Variants in SYK observed in about 807,000 individuals in gnomAD.
SYK encodes spleen associated tyrosine kinase.
SYK carries 16 observed loss-of-function variants against 77.8 expected under a neutral mutation model. The ratio of observed to expected loss-of-function variants is 0.21; its 90% CI spans 0.14 to 0.31. SYK has a LOEUF of 0.31. Among genes scored for constraint, SYK ranks in the 10% least tolerant of loss-of-function variants. The pLI is 1.00. For missense variants in SYK, 529 were observed against 814.4 expected (o/e 0.65, Z 4.26); for synonymous variants, 312 against 308.7 (o/e 1.01, Z -0.11).
intron 11 of SYK, among the ~76,000 whole-genome samples, chr9:90,885,254 G>T (rs570723882): frequency 5.1e-4 from 78 of 151,990 alleles, no homozygotes; most frequent in African/African-American, 1.8e-3. Flanking sequence ...AGATATAAGA[G>T]AATTCTGAAA....
At chr9:90,827,371 T>G (rs1211846279) in intron 1 of SYK, 1 of 152,190 alleles carries the variant, frequency 6.6e-6, no homozygotes, top group Admixed American at 6.5e-5. Context: ...TGCTGACACT[T>G]TGAGGAAAAG....
rs756047567 is a variant in SYK at position 90,865,068 on chromosome 9, C to T, written c.817C>T (p.Arg273Cys). The change falls in exon 6 of 14, where the codon CGT becomes TGT. Residue 273 changes from arginine to cysteine, a missense_variant. This residue lies in a region of SYK where 321 missense variants were observed against 433.1 expected (regional missense o/e 0.74). Transcript: ENST00000375754. ...ACCAGGAAATGTTAATTTTGGAGGC[C>T]GTCCACAACTTCCAGGTTCCCATCC... ...GTQGNVNFGG[R>C]PQLPGSHPAT... 54 of 1,613,942 alleles carry T rather than the reference C, an allele frequency of 3.3e-5. No individual in the cohort carries two copies. Among genetic ancestry groups the T allele is most frequent in the Middle Eastern group, 1.6e-4 (1 of 6,084 alleles).
intron 1 of SYK, among the ~76,000 whole-genome samples, chr9:90,842,756 AGAGT>A (rs1250687889): frequency 0.13 from 19,215 of 143,520 alleles, 1,490 homozygotes; most frequent in Admixed American, 0.21. Flanking sequence ...TGGTATGGAG[AGAGT>A]GTGTGTGTGT....
At chr9:90,828,340 C>T (rs1226503792) in intron 1 of SYK, among the ~76,000 whole-genome samples, 1 of 151,526 alleles carries the variant, frequency 6.6e-6, no homozygotes, top group Non-Finnish European at 1.5e-5. Context: ...CTGCCCTTCT[C>T]ATCATCCATA....
In SYK at chr9:90,897,464, AAGTTT is replaced by A. The variant is rs1330064254; in HGVS notation, c.*1865_*1869del. On this transcript the variant is annotated 3_prime_UTR_variant, in exon 14 of 14. Coordinates refer to ENST00000375754, the MANE Select transcript of SYK (RefSeq NM_003177.7). Reference sequence around the variant, plus strand: ...TATGAAAGGAGTGGTTGGATGTGCCAAGTTTGGTAAAGTGGTGACTGCATCTGAGA... The same window carrying A: ...TATGAAAGGAGTGGTTGGATGTGCCAGGTAAAGTGGTGACTGCATCTGAGA... 1.3e-5 allele frequency: 3 copies of A among 232,320 alleles called. No homozygotes were observed. The highest frequency in any genetic ancestry group is 1.2e-3 in the Middle Eastern group (1 of 802). The allele number at this position is 232,320 out of a possible 1,614,324, so 14.4% of individuals were successfully genotyped here. A position where few individuals can be genotyped will look rare whatever the true frequency, so the allele number is the denominator to read the frequency against.
chr9:90,839,772 A>G (rs757041715), intron 1 of SYK, among the ~76,000 whole-genome samples: 11 of 152,174 alleles, frequency 7.2e-5, no homozygotes, highest in Admixed American at 2.6e-4. Context: ...GGACACAAGC[A>G]TCGGGGCCAG....
chr9:90,898,354 A>G lies in SYK; in HGVS notation c.*2754A>G, dbSNP rs1587938319. ...TGCTGTATGGTGATTGCACTTGGAC[A>G]TCAGTCCAATGACTGCAAGTCGGCC... is the stretch of plus-strand genomic sequence containing the variant. On this transcript the variant is annotated 3_prime_UTR_variant, in exon 14 of 14. Transcript: ENST00000375754. 2 of 228,370 alleles carry G rather than the reference A, an allele frequency of 8.8e-6. No individual in the cohort carries two copies. Among genetic ancestry groups the G allele is most frequent in the South Asian group, 1.8e-4 (1 of 5,498 alleles). The allele number at this position is 228,370 out of a possible 1,614,324, so 14.1% of individuals were successfully genotyped here. A position where few individuals can be genotyped will look rare whatever the true frequency, so the allele number is the denominator to read the frequency against.
At chr9:90,841,525 GGGCA>G (rs1826336228) in intron 1 of SYK, among the ~76,000 whole-genome samples, 1 of 82,966 alleles carries the variant, frequency 1.2e-5, no homozygotes, top group Non-Finnish European at 2.9e-5. Flanking sequence ...TGCATGTAGT[GGGCA>G]TGTAGTATGG....
At chr9:90,854,374 C>A (rs1439447923) in intron 3 of SYK, among the ~76,000 whole-genome samples, 1 of 152,014 alleles carries the variant, frequency 6.6e-6, no homozygotes, top group Non-Finnish European at 1.5e-5. Flanking sequence ...GAGAGGAAGC[C>A]CAGGAGGTTG....
chr9:90,874,445 G>A (rs1312181825), intron 8 of SYK, among the ~76,000 whole-genome samples, 154 bp downstream of exon 8: 1 of 152,200 alleles, frequency 6.6e-6, no homozygotes, highest in African/African-American at 2.4e-5. Context: ...GCAGGCAGCA[G>A]GCACCACATG....
chr9:90,860,180 C>A (rs1440983119), intron 3 of SYK, among the ~76,000 whole-genome samples: 1 of 152,188 alleles, frequency 6.6e-6, no homozygotes, highest in Non-Finnish European at 1.5e-5. Context: ...TCTCCATGAC[C>A]TTGAGGTCAC....
Position 90,884,341 on chromosome 9 carries a change from A to G in SYK, c.1582-3408A>G, listed in dbSNP as rs1000863644. ...CACATACACATACGTGTATATATAC[A>G]CACATACACATACGTGTATACATAC... On this transcript the variant is annotated intron_variant, in intron 11 of 13. Transcript: ENST00000375754. Among the ~76,000 whole-genome samples the G allele has an allele frequency of 7.2e-5, 9 of 124,194 alleles. 1 individual carries two copies. The highest frequency in any genetic ancestry group is 3.1e-4 in the Admixed American group (4 of 12,896). 81.5% of individuals were successfully genotyped at this position (124,194 alleles called of 152,430 possible). A position where few individuals can be genotyped will look rare whatever the true frequency, so the allele number is the denominator to read the frequency against.
At chr9:90,839,488 G>C (rs752260140) in intron 1 of SYK, among the ~76,000 whole-genome samples, 40 of 152,228 alleles carry the variant, frequency 2.6e-4, no homozygotes, top group Middle Eastern at 6.8e-3. Context: ...CGGGTCTGCA[G>C]ATGCTCCCCA....
At chr9:90,821,213 CTG>C (rs1806006510) in intron 1 of SYK, among the ~76,000 whole-genome samples, 2 of 152,244 alleles carry the variant, frequency 1.3e-5, no homozygotes, top group Admixed American at 6.5e-5. Flanking sequence ...ACCCTCCAAA[CTG>C]TTCCAGCCTC....
chr9:90,822,522 G>A (rs1825552971), intron 1 of SYK, among the ~76,000 whole-genome samples: 1 of 152,234 alleles, frequency 6.6e-6, no homozygotes, highest in South Asian at 2.1e-4. Context: ...ATTTTTCATA[G>A]TCAATATTTC....
At chr9:90,859,876 GC>G (rs1827185835) in intron 3 of SYK, among the ~76,000 whole-genome samples, 1 of 152,222 alleles carries the variant, frequency 6.6e-6, no homozygotes, top group Admixed American at 6.5e-5. Flanking sequence ...GGAAACCTGT[GC>G]TTGTCTGTCT....
rs772703441 is a variant in SYK at position 90,895,376 on chromosome 9, G to T, written c.1836-152G>T. The T allele has an allele frequency of 1.1e-5, 8 of 715,552 alleles. No individual in the cohort carries two copies. The highest frequency in any genetic ancestry group is 2.6e-5 in the East Asian group (1 of 38,408). 44.3% of individuals were successfully genotyped at this position (715,552 alleles called of 1,614,324 possible). On this transcript the variant is annotated intron_variant, in intron 13 of 13. Transcript: ENST00000375754. This position sits in a 1 kb window ranked among gnomAD's most constrained non-coding sequence, Gnocchi z 4.4. ...GACAGCCTTGTGGTCACCCTGGGGT[G>T]GGGGGCACAGGGACCACGCTGTGAG...
At chr9:90,819,333 C>T (rs76591162) in intron 1 of SYK, among the ~76,000 whole-genome samples, 14,470 of 152,180 alleles carry the variant, frequency 0.095, 722 homozygotes, top group Middle Eastern at 0.13. Context: ...AATCAATAAC[C>T]ATGATGCTTT....
At chr9:90,847,257 G>T (rs1176177358) in intron 3 of SYK, among the ~76,000 whole-genome samples, 1 of 152,148 alleles carries the variant, frequency 6.6e-6, no homozygotes, top group African/African-American at 2.4e-5. Flanking sequence ...GAGGCTTATG[G>T]TTTATGCAAG....
Sources: allele counts gnomAD v4.1 joint callset (sites outside exome capture counted in the v4.1 genomes callset), GRCh38; gene constraint gnomAD v4.1.1; regional missense constraint gnomAD v4.1.1; non-coding constraint Gnocchi (gnomAD v3.1); transcripts MANE v1.5; gene names NCBI Gene and HGNC (gene_info 2026-07-23, HGNC 2026-07-21).